Variants in POLB observed in about 807,000 individuals in gnomAD.
POLB encodes the protein DNA polymerase beta.
A neutral mutation model predicts 52.7 loss-of-function variants in POLB; 37 were observed. That is an observed-to-expected ratio of 0.70 (90% CI 0.54 to 0.92). The LOEUF (loss-of-function observed/expected upper bound fraction) is 0.92. POLB is among the 40% of genes least tolerant of loss of function. The pLI is 0.00. For synonymous variants in POLB, 138 were observed against 131.3 expected (o/e 1.05, Z -0.35); for missense variants, 313 against 400.8 (o/e 0.78, Z 1.87).
intron 1 of POLB, 141 bp from the exon 2 acceptor site, chr8:42,338,871 C>A: frequency 2.1e-6 from 2 of 931,834 alleles, no homozygotes; most frequent in East Asian, 2.5e-5. Flanking sequence ...CCTGGGCCAT[C>A]GCTTGGGCTG....
intron 2 of POLB, among the ~76,000 whole-genome samples, chr8:42,341,032 T>C (rs1466623425): frequency 1.3e-5 from 2 of 152,142 alleles, no homozygotes; most frequent in Admixed American, 1.3e-4. Flanking sequence ...TTTCTGGAAG[T>C]CAGATGTTCA....
At chr8:42,359,676 T>C (rs1189718360) in intron 9 of POLB, among the ~76,000 whole-genome samples, 1 of 151,806 alleles carries the variant, frequency 6.6e-6, no homozygotes, top group East Asian at 1.9e-4. Flanking sequence ...TTATTCTTTT[T>C]TGTAGCTGTG....
At chr8:42,366,819 A>G (rs1408757126) in intron 11 of POLB, among the ~76,000 whole-genome samples, 3 of 152,246 alleles carry the variant, frequency 2.0e-5, no homozygotes, top group Non-Finnish European at 4.4e-5. Context: ...GAAGACCGTT[A>G]TGCAGATCAA....
At position 42,338,512 on chromosome 8, in the gene POLB, C is replaced by A; in HGVS notation, c.-113C>A. 1 of 917,876 alleles carries A rather than the reference C, an allele frequency of 1.1e-6. No homozygotes were observed. The highest frequency in any genetic ancestry group is 1.6e-5 in the African/African-American group (1 of 60,928). The allele number at this position is 917,876 out of a possible 1,614,324, so 56.9% of individuals were successfully genotyped here. ...GGCAACCATTGTTCCGCCGGTCGCG[C>A]CGGAGCTGGGTTGCTCCTGCTCCCG... On this transcript the variant is annotated 5_prime_UTR_variant, in exon 1 of 14. Transcript: ENST00000265421.
intron 9 of POLB, among the ~76,000 whole-genome samples, chr8:42,358,141 A>G (rs1444820914): frequency 1.3e-5 from 2 of 152,192 alleles, no homozygotes; most frequent in African/African-American, 4.8e-5. Flanking sequence ...AATGTGAGCA[A>G]AGTAAGAACC....
At chr8:42,353,915 T>C (rs894256581) in intron 6 of POLB, among the ~76,000 whole-genome samples, 2 of 144,654 alleles carry the variant, frequency 1.4e-5, no homozygotes, top group African/African-American at 5.1e-5. Flanking sequence ...CCAACTCTTA[T>C]GAGGCATGAT....
In POLB at chr8:42,362,258, AAAAATAAAATAAAAT is replaced by A. The variant is rs200006937; in HGVS notation, c.622-327_622-313del. Among the ~76,000 whole-genome samples, 60 of 93,296 alleles carry A rather than the reference AAAAATAAAATAAAAT, an allele frequency of 6.4e-4. 1 individual carries two copies. In the South Asian group the frequency reaches 0.014, roughly 21 times the overall value. 61.2% of individuals were successfully genotyped at this position (93,296 alleles called of 152,430 possible). ...CTGGCAACAGAACGAGACTCCATCT[AAAAATAAAATAAAAT>A]AAAATAAAATAAAATAAAATAAAAT... On this transcript the variant is annotated intron_variant, in intron 10 of 13. Coordinates refer to ENST00000265421, the MANE Select transcript of POLB (RefSeq NM_002690.3).
rs190281695 is a variant in POLB at position 42,341,633 on chromosome 8, A to G, written c.119+2564A>G. 3.2e-3 allele frequency: 655 copies of G among 206,438 alleles called. 4 individuals carry two copies. The highest frequency in any genetic ancestry group is 5.5e-3 in the Non-Finnish European group (568 of 102,632). 12.8% of individuals were successfully genotyped at this position (206,438 alleles called of 1,614,324 possible). On this transcript the variant is annotated intron_variant, in intron 2 of 13. Transcript: ENST00000265421. ...TATCCAATCTGTCACCAGATTAACA[A>G]ACTGGATATGTGTGGAGGTGGGCAA... is the stretch of plus-strand genomic sequence containing the variant.
chr8:42,344,750 G>A (rs1268967477), intron 2 of POLB, among the ~76,000 whole-genome samples: 2 of 152,052 alleles, frequency 1.3e-5, no homozygotes, highest in South Asian at 2.1e-4. Context: ...GGGAGGCGGA[G>A]GTTCCAGTGA....
intron 9 of POLB, among the ~76,000 whole-genome samples, chr8:42,358,697 A>G (rs1823486242): frequency 1.3e-5 from 2 of 152,122 alleles, no homozygotes; most frequent in Admixed American, 6.6e-5. Flanking sequence ...TTGGAGAGAG[A>G]AAACTAAATC....
intron 1 of POLB, 95 bp from the exon 2 acceptor site, chr8:42,338,917 C>G: frequency 8.7e-7 from 1 of 1,144,696 alleles, no homozygotes; most frequent in Non-Finnish European, 1.3e-6. Flanking sequence ...CGGGTGGTCA[C>G]TGTCTCTTAG....
chr8:42,345,958 G>A (rs780485620), intron 3 of POLB, among the ~76,000 whole-genome samples: 16 of 152,194 alleles, frequency 1.1e-4, no homozygotes, highest in Non-Finnish European at 2.2e-4. Context: ...GTCTCACCCT[G>A]TTGCTCAGGC....
rs56100420 is a variant in POLB at position 42,361,356 on chromosome 8, A to G, written c.612A>G (p.Ser204=). ...CCCATCCCAGCTTCACTTCAGAATCAACCAAACAGGTGCCTCAGAGTTTAT... is the reference window on the plus strand; with the variant it reads ...CCCATCCCAGCTTCACTTCAGAATCGACCAAACAGGTGCCTCAGAGTTTAT... ...LLTHPSFTSE[S]TKQPKLLHQV... The change falls in exon 10 of 14, where the codon TCA becomes TCG. Residue 204 remains serine (S), a synonymous_variant. Coordinates refer to ENST00000265421, the MANE Select transcript of POLB (RefSeq NM_002690.3). The G allele has an allele frequency of 6.2e-7, 1 of 1,606,412 alleles. No individual in the cohort carries two copies. The highest frequency in any genetic ancestry group is 8.5e-7 in the Non-Finnish European group (1 of 1,172,894).
At chr8:42,350,707 A>AT (rs1307445804) in intron 5 of POLB, among the ~76,000 whole-genome samples, 1 of 152,194 alleles carries the variant, frequency 6.6e-6, no homozygotes, top group Non-Finnish European at 1.5e-5. Context: ...TCTTTATGGC[A>AT]TGGGGCATTC....
intron 7 of POLB, among the ~76,000 whole-genome samples, 186 bp downstream of exon 7, chr8:42,355,753 CT>C (rs1416530235): frequency 6.6e-6 from 1 of 152,190 alleles, no homozygotes; most frequent in Non-Finnish European, 1.5e-5. Context: ...TTCACTTTTG[CT>C]TTCTAGTTTA....
chr8:42,367,775 T>C (rs1824133261), intron 11 of POLB, among the ~76,000 whole-genome samples: 1 of 152,202 alleles, frequency 6.6e-6, no homozygotes, highest in African/African-American at 2.4e-5. Flanking sequence ...CTATACTATA[T>C]TCCTGTGAAT....
intron 9 of POLB, among the ~76,000 whole-genome samples, chr8:42,358,384 C>G (rs531660028): frequency 6.6e-6 from 1 of 152,072 alleles, no homozygotes; most frequent in Non-Finnish European, 1.5e-5. Context: ...CACCTGTAGT[C>G]CCAGCTCCTC....
intron 11 of POLB, 62 bp downstream of exon 11, chr8:42,362,760 C>G: frequency 1.2e-6 from 1 of 832,300 alleles, no homozygotes; most frequent in Admixed American, 2.0e-5. Flanking sequence ...AGTAGCCATT[C>G]TGAGTGTGTG....
At position 42,371,721 on chromosome 8, in the gene POLB, T is replaced by A. The variant is rs1585929775; in HGVS notation, c.*64T>A. 4.3e-6 allele frequency: 4 copies of A among 937,416 alleles called. No individual in the cohort carries two copies. The highest frequency in any genetic ancestry group is 7.0e-6 in the Non-Finnish European group (4 of 574,380). 58.1% of individuals were successfully genotyped at this position (937,416 alleles called of 1,614,324 possible). On this transcript the variant is annotated 3_prime_UTR_variant, in exon 14 of 14. Transcript: ENST00000265421. The stretch of plus-strand genomic sequence containing the variant: ...TCTTAATTTATTTCTTAACCTTTGC[T>A]ATGTAAGGGTCTTTGGTGTTTTTAA...
Sources: allele counts gnomAD v4.1 joint callset (sites outside exome capture counted in the v4.1 genomes callset), GRCh38; gene constraint gnomAD v4.1.1; transcripts MANE v1.5; gene names NCBI Gene and HGNC (gene_info 2026-07-23, HGNC 2026-07-21).